The following TRPC5 variants were observed in gnomAD, a reference collection of about 807,000 sequenced individuals.
TRPC5 encodes short transient receptor potential channel 5.
In TRPC5, 9 loss-of-function variants were observed where a neutral mutation model predicts 56.5. That is an observed-to-expected ratio of 0.16 (90% confidence interval 0.10 to 0.28). The LOEUF (loss-of-function observed/expected upper bound fraction) is 0.28. Ranked by LOEUF, TRPC5 falls within the 10% of genes least tolerant of loss-of-function variation. TRPC5 has a pLI of 1.00. For missense variants in TRPC5, 469 were observed against 748.9 expected, an observed-to-expected ratio of 0.63 and a Z score of 4.36; for synonymous variants, 282 against 278.5, an observed-to-expected ratio of 1.01 and a Z score of -0.13.
chrX:111,938,550 G>A (rs1326387351), intron 2 of TRPC5, among the ~76,000 whole-genome samples: 1 of 111,234 alleles, frequency 9.0e-6, no homozygotes, highest in African/African-American at 3.3e-5. Flanking sequence ...AGAGTTTTTA[G>A]CATGAAGGGT....
chrX:112,035,456 C>CAT (rs58747733), intron 1 of TRPC5, among the ~76,000 whole-genome samples: 1,998 of 103,600 alleles, frequency 0.019, 28 homozygotes, highest in African/African-American at 0.052. Context: ...TCCTTGAACT[C>CAT]ATATATATAT....
intron 1 of TRPC5, among the ~76,000 whole-genome samples, chrX:111,992,484 T>A (rs1420792847): frequency 1.8e-5 from 2 of 111,587 alleles, no homozygotes; most frequent in Admixed American, 1.9e-4. Flanking sequence ...GACTGTGGAG[T>A]TAGACAGACC....
chrX:111,956,292 G>A (rs7887124), intron 1 of TRPC5, among the ~76,000 whole-genome samples: 4,050 of 111,719 alleles, frequency 0.036, 181 homozygotes, highest in African/African-American at 0.12. Context: ...GAAGACTGAA[G>A]CTTAAATGGT....
chrX:111,805,081 G>T, intron 7 of TRPC5, among the ~76,000 whole-genome samples: 1 of 111,899 alleles, frequency 8.9e-6, no homozygotes, highest in East Asian at 2.8e-4. Context: ...TTTTCTTGAA[G>T]GCCTTTTCTG....
intron 1 of TRPC5, among the ~76,000 whole-genome samples, chrX:112,005,130 T>TA (rs201321361): frequency 0.046 from 5,078 of 110,477 alleles, 318 homozygotes; most frequent in African/African-American, 0.16. Context: ...CCAGCAGTCA[T>TA]AAAAAAAGAA....
intron 3 of TRPC5, among the ~76,000 whole-genome samples, chrX:111,879,752 G>A (rs762879869): frequency 8.9e-6 from 1 of 112,485 alleles, no homozygotes; most frequent in East Asian, 2.8e-4. Context: ...TTTTTACAGA[G>A]AAAGAAATAT....
At chrX:111,893,444 C>T (rs968409971) in intron 3 of TRPC5, among the ~76,000 whole-genome samples, 1 of 111,579 alleles carries the variant, frequency 9.0e-6, no homozygotes, top group Admixed American at 9.6e-5. Context: ...CATGTTTGAA[C>T]AGTGTTTTGA....
chrX:111,824,229 CAAAAAAA>C (rs1173966332), intron 7 of TRPC5, among the ~76,000 whole-genome samples: 3 of 54,600 alleles, frequency 5.5e-5, no homozygotes, highest in Non-Finnish European at 8.0e-5. Context: ...GACCCTGTCT[CAAAAAAA>C]AAAAAAAAAA....
chrX:111,900,819 T>G (rs1053375274), intron 3 of TRPC5, among the ~76,000 whole-genome samples: 5 of 111,962 alleles, frequency 4.5e-5, no homozygotes, highest in Admixed American at 9.5e-5. Flanking sequence ...CTCAGCAGAT[T>G]CATTTTAAGT....
At chrX:111,861,568 AC>A (rs1193434119) in intron 3 of TRPC5, among the ~76,000 whole-genome samples, 1 of 112,024 alleles carries the variant, frequency 8.9e-6, no homozygotes, top group Non-Finnish European at 1.9e-5. Flanking sequence ...TATAATGGTA[AC>A]TTTTAGCAAC....
chrX:111,786,591 A>C (rs1945967799), intron 7 of TRPC5, among the ~76,000 whole-genome samples: 1 of 111,227 alleles, frequency 9.0e-6, no homozygotes, highest in Non-Finnish European at 1.9e-5. Context: ...AAATGGGCTA[A>C]ATGCCCCAAT....
In TRPC5 at chrX:112,079,665, T is replaced by C. The variant is rs927969536; in HGVS notation, c.-22+2214A>G. ...CTGGCCTAGTCTTCTCTAAGTACTG[T>C]GGTTCTGCGTGCCATTCCGGTTTTA... On this transcript the variant is annotated intron_variant, in intron 1 of 10. Transcript: ENST00000262839. 2.7e-5 allele frequency among the ~76,000 whole-genome samples: 3 copies of C among 112,101 alleles called. No homozygotes were observed. The Admixed American group carries it at 2.8e-4, about 11-fold the overall frequency.
Position 112,024,126 on chromosome X carries a change from A to G in TRPC5, c.-22+57753T>C, listed in dbSNP as rs1023009991. ...GAAGACTAATGATTTCCCAAGTTCT[A>G]TCTCCCTTTACAAAAAGAAGAGTTT... On this transcript the variant is annotated intron_variant, in intron 1 of 10. Coordinates refer to ENST00000262839, the MANE Select transcript of TRPC5 (RefSeq NM_012471.3). 2.1e-4 allele frequency among the ~76,000 whole-genome samples: 24 copies of G among 111,830 alleles called. No individual in the cohort carries two copies. In the Admixed American group the frequency reaches 2.3e-3, roughly 11 times the overall value.
chrX:112,029,646 A>G (rs999710160), intron 1 of TRPC5, among the ~76,000 whole-genome samples: 12 of 111,579 alleles, frequency 1.1e-4, no homozygotes, highest in African/African-American at 3.9e-4. Flanking sequence ...CCACATCCTC[A>G]CCATCATTTG....
chrX:111,811,419 GCACA>G (rs369105596), intron 7 of TRPC5, among the ~76,000 whole-genome samples: 1 of 112,125 alleles, frequency 8.9e-6, no homozygotes, highest in African/African-American at 3.2e-5. Flanking sequence ...GCTTGCGCGT[GCACA>G]CACACACACA....
chrX:111,986,595 A>T (rs1226287447), intron 1 of TRPC5, among the ~76,000 whole-genome samples: 1 of 110,587 alleles, frequency 9.0e-6, no homozygotes, highest in Non-Finnish European at 1.9e-5. Context: ...TGCAGGGTTA[A>T]TCCTCTCAGA....
At chrX:111,929,080 G>A (rs1926335186) in intron 2 of TRPC5, among the ~76,000 whole-genome samples, 2 of 112,083 alleles carry the variant, frequency 1.8e-5, no homozygotes, top group African/African-American at 6.5e-5. Flanking sequence ...TAGGGGATAA[G>A]AATCTCAAAG....
chrX:111,778,952 G>A (rs374740197), intron 10 of TRPC5, 33 bp downstream of exon 10: 12 of 1,034,553 alleles, frequency 1.2e-5, no homozygotes, highest in African/African-American at 3.7e-5. Flanking sequence ...CTTATGATAT[G>A]TAAAATGAAA....
intron 1 of TRPC5, among the ~76,000 whole-genome samples, chrX:111,989,348 C>T (rs1156568460): frequency 8.9e-6 from 1 of 111,732 alleles, no homozygotes; most frequent in East Asian, 2.8e-4. Context: ...CATGCTTTCC[C>T]TTATTCACAA....
Sources: gnomAD v4.1 joint callset for allele counts (sites outside exome capture counted in the v4.1 genomes callset) on GRCh38, gnomAD v4.1.1 for gene constraint, MANE v1.5 for transcripts, NCBI Gene and HGNC (gene_info 2026-07-23, HGNC 2026-07-21) for gene names.